Variants in PDE4D observed in about 807,000 individuals in gnomAD.
PDE4D encodes the protein 3',5'-cyclic-AMP phosphodiesterase 4D.
A neutral mutation model predicts 87.4 loss-of-function variants in PDE4D; 24 were observed. The observed-to-expected ratio is 0.27, with a 90% CI of 0.20 to 0.39. The LOEUF is 0.39. Among genes scored for constraint, PDE4D ranks in the 10% least tolerant of loss-of-function variants. The probability of loss-of-function intolerance (pLI) is 1.00; values close to 1 mark genes in which losing one functional copy is unlikely to be tolerated. For synonymous variants in PDE4D, 384 were observed against 383.2 expected (o/e 1.00, Z -0.02); for missense variants, 714 against 1,041.0 (o/e 0.69, Z 4.32).
chr5:59,984,605 T>C (rs1449468737), intron 3 of PDE4D, among the ~76,000 whole-genome samples: 1 of 152,180 alleles, frequency 6.6e-6, no homozygotes, highest in Non-Finnish European at 1.5e-5. Flanking sequence ...AGTAGAAATA[T>C]GGAAGTGTGA....
intron 2 of PDE4D, among the ~76,000 whole-genome samples, chr5:60,140,934 G>C (rs1780480620): frequency 6.6e-6 from 1 of 152,112 alleles, no homozygotes; most frequent in South Asian, 2.1e-4. Context: ...TTATTAAAAG[G>C]TTATAGGACT....
intron 1 of PDE4D, among the ~76,000 whole-genome samples, chr5:60,378,839 C>T (rs539404224): frequency 9.3e-5 from 14 of 150,110 alleles, no homozygotes; most frequent in Non-Finnish European, 1.5e-4. Flanking sequence ...GGCGACAGAG[C>T]GACACTCCGA....
intron 5 of PDE4D, among the ~76,000 whole-genome samples, chr5:59,056,238 C>T (rs1032737281): frequency 6.6e-6 from 1 of 152,074 alleles, no homozygotes; most frequent in African/African-American, 2.4e-5. Context: ...ACACCATGCA[C>T]AAAACAGTCT....
chr5:59,147,602 C>T (rs1778858842), intron 5 of PDE4D, among the ~76,000 whole-genome samples: 1 of 152,186 alleles, frequency 6.6e-6, no homozygotes, highest in African/African-American at 2.4e-5. Flanking sequence ...TTGAAGATCA[C>T]AAGTTTTGAT....
At chr5:59,852,604 G>T (rs1029237141) in intron 1 of PDE4D, among the ~76,000 whole-genome samples, 9 of 152,088 alleles carry the variant, frequency 5.9e-5, no homozygotes, top group African/African-American at 1.9e-4. Context: ...TATCATGAGA[G>T]AGTCAGCTAT....
intron 1 of PDE4D, among the ~76,000 whole-genome samples, chr5:59,486,687 T>A (rs1805214554): frequency 6.6e-6 from 1 of 152,026 alleles, no homozygotes; most frequent in Admixed American, 6.6e-5. Flanking sequence ...GGAGCTGAGG[T>A]TTAAAGATGT....
At chr5:59,697,732 C>T (rs1399015031) in intron 1 of PDE4D, among the ~76,000 whole-genome samples, 2 of 152,188 alleles carry the variant, frequency 1.3e-5, no homozygotes, top group Non-Finnish European at 2.9e-5. Flanking sequence ...AAGATCTCTG[C>T]TATTCTGATG....
At chr5:60,191,863 T>C (rs1449202167) in intron 1 of PDE4D, among the ~76,000 whole-genome samples, 1 of 151,806 alleles carries the variant, frequency 6.6e-6, no homozygotes, top group Non-Finnish European at 1.5e-5. Context: ...TAGCTGGGCA[T>C]GGTGGCAGGC....
intron 5 of PDE4D, among the ~76,000 whole-genome samples, chr5:59,162,918 G>T (rs1420504779): frequency 6.7e-6 from 1 of 149,548 alleles, no homozygotes. Context: ...AAGTTGCCCT[G>T]AATATACACT....
chr5:59,789,413 A>G (rs1485209407), intron 1 of PDE4D, among the ~76,000 whole-genome samples: 2 of 152,244 alleles, frequency 1.3e-5, no homozygotes, highest in African/African-American at 4.8e-5. Flanking sequence ...CATGTGCTCA[A>G]GGCAAGTCAA....
intron 2 of PDE4D, among the ~76,000 whole-genome samples, chr5:60,089,935 T>C (rs1016593225): frequency 1.3e-5 from 2 of 150,220 alleles, no homozygotes; most frequent in African/African-American, 4.9e-5. Context: ...AATGGATGAA[T>C]TTCTGGACAC....
At chr5:60,315,557 T>C (rs1260784371) in intron 1 of PDE4D, among the ~76,000 whole-genome samples, 3 of 152,240 alleles carry the variant, frequency 2.0e-5, no homozygotes, top group Non-Finnish European at 4.4e-5. Context: ...ATGAAGTCCT[T>C]GTCCATGCCT....
At chr5:59,835,066 A>G (rs1741804871) in intron 1 of PDE4D, among the ~76,000 whole-genome samples, 1 of 152,072 alleles carries the variant, frequency 6.6e-6, no homozygotes, top group East Asian at 1.9e-4. Context: ...GAGCAATGCA[A>G]TTTAGTTGAA....
chr5:59,806,485 G>A (rs1767748524), intron 1 of PDE4D, among the ~76,000 whole-genome samples: 1 of 152,198 alleles, frequency 6.6e-6, no homozygotes, highest in African/African-American at 2.4e-5. Context: ...AAACTGAAGG[G>A]CTAATGGAAC....
chr5:59,403,885 C>T (rs12187338), intron 1 of PDE4D, among the ~76,000 whole-genome samples: 26,181 of 152,034 alleles, frequency 0.17, 2,997 homozygotes, highest in African/African-American at 0.32. Flanking sequence ...CCAAATTGTT[C>T]TCCGTAGTGG....
chr5:59,963,067 G>A (rs935732164), intron 3 of PDE4D, among the ~76,000 whole-genome samples: 44 of 152,110 alleles, frequency 2.9e-4, no homozygotes, highest in Admixed American at 2.8e-3. Flanking sequence ...TTATAGAAAG[G>A]GACACAATCC....
At chr5:59,469,975 G>A (rs557306318) in intron 1 of PDE4D, among the ~76,000 whole-genome samples, 6 of 152,196 alleles carry the variant, frequency 3.9e-5, no homozygotes, top group East Asian at 3.9e-4. Context: ...GGCATTGGGC[G>A]ACTTCGTCAA....
intron 3 of PDE4D, among the ~76,000 whole-genome samples, chr5:59,983,989 T>A (rs971458600): frequency 2.0e-5 from 3 of 152,168 alleles, no homozygotes; most frequent in African/African-American, 7.2e-5. Flanking sequence ...TACATTATGC[T>A]ATATTTATGC....
chr5:60,091,227 A>C (rs1055343430), intron 2 of PDE4D, among the ~76,000 whole-genome samples: 2 of 152,232 alleles, frequency 1.3e-5, no homozygotes, highest in African/African-American at 2.4e-5. Context: ...CTGTTAAATG[A>C]GAGAAAATAT....
Sources: allele counts gnomAD v4.1 joint callset (sites outside exome capture counted in the v4.1 genomes callset), GRCh38; gene constraint gnomAD v4.1.1; transcripts MANE v1.5; gene names NCBI Gene and HGNC (gene_info 2026-07-23, HGNC 2026-07-21).